Variants in ADIPOR2 observed in about 807,000 individuals in gnomAD.
ADIPOR2 encodes adiponectin receptor protein 2.
ADIPOR2 carries 18 observed loss-of-function variants against 40.9 expected under a neutral mutation model. The observed-to-expected ratio is 0.44, with a 90% confidence interval of 0.30 to 0.65. The LOEUF is 0.65. ADIPOR2 is among the 30% of genes least tolerant of loss of function. ADIPOR2 has a pLI of 0.09. For synonymous variants in ADIPOR2, 165 were observed against 166.4 expected, an observed-to-expected ratio of 0.99 and a Z score of 0.06; for missense variants, 283 against 479.2, an observed-to-expected ratio of 0.59 and a Z score of 3.82.
At chr12:1,718,912 T>C (rs1168477834) in intron 1 of ADIPOR2, among the ~76,000 whole-genome samples, 1 of 152,222 alleles carries the variant, frequency 6.6e-6, no homozygotes, top group African/African-American at 2.4e-5. Context: ...AAAAGAAGTG[T>C]AGTGATACAA....
rs1862780177 is a variant in ADIPOR2, at chr12:1,784,032, C to G, written c.991C>G (p.Arg331Gly). 2 of 1,604,796 alleles carry G rather than the reference C, an allele frequency of 1.2e-6. No homozygotes were observed. Among genetic ancestry groups the G allele is most frequent in the Non-Finnish European group, 1.7e-6 (2 of 1,174,978 alleles). The change falls in exon 7 of 8, where the codon CGG (arginine) becomes GGG (glycine). Residue 331 changes from arginine to glycine, a missense_variant. Around this residue, in one of 3 missense-constraint regions of ADIPOR2, gnomAD observed 106 missense variants for 149.7 expected, o/e 0.71. Coordinates refer to ENST00000357103, the MANE Select transcript of ADIPOR2 (RefSeq NM_024551.3). ...CACAGGAGCTGCCCTGTATGCTGCC[C>G]GGATCCCCGAACGCTTTTTCCCTGG... Reference protein sequence around the residue: ...YITGAALYAARIPERFFPGKC... With the variant: ...YITGAALYAAGIPERFFPGKC...
At position 1,764,588 on chromosome 12, in the gene ADIPOR2, C is replaced by CACACACACACACACACAT. The variant is rs1555170937; in HGVS notation, c.172-8252_172-8251insACACACACACACACATAC. Among the ~76,000 whole-genome samples, 544 of 140,016 alleles carry CACACACACACACACACAT rather than the reference C, an allele frequency of 3.9e-3. 10 individuals carry two copies. Among genetic ancestry groups the CACACACACACACACACAT allele is most frequent in the African/African-American group, 0.013 (521 of 39,966 alleles). The allele number at this position is 140,016 out of a possible 152,430, so 91.9% of individuals were successfully genotyped here. On this transcript the variant is annotated intron_variant, in intron 2 of 7. Transcript: ENST00000357103. ...ACACACACACACACACACACACACA[C>CACACACACACACACACAT]ACGTAGATATATTGTAAGTGGATAG... is the stretch of plus-strand genomic sequence containing the variant.
intron 2 of ADIPOR2, among the ~76,000 whole-genome samples, chr12:1,760,048 C>T (rs148814815): frequency 0.015 from 2,237 of 150,710 alleles, 21 homozygotes; most frequent in Middle Eastern, 0.051. Flanking sequence ...ACAAACAAAA[C>T]AAAACAAAAA....
intron 3 of ADIPOR2, among the ~76,000 whole-genome samples, chr12:1,774,663 C>G (rs1473466209): frequency 6.6e-6 from 1 of 152,184 alleles, no homozygotes; most frequent in Non-Finnish European, 1.5e-5. Flanking sequence ...CCAGCATAAC[C>G]AGGTCCATGT....
At chr12:1,725,125 CTTTT>C (rs33993408) in intron 1 of ADIPOR2, among the ~76,000 whole-genome samples, 4 of 143,798 alleles carry the variant, frequency 2.8e-5, no homozygotes, top group Non-Finnish European at 6.1e-5. Context: ...CGCAAACTTT[CTTTT>C]TTTTTTTTTT....
chr12:1,768,155 T>C (rs538450970), intron 2 of ADIPOR2, among the ~76,000 whole-genome samples: 1 of 152,216 alleles, frequency 6.6e-6, no homozygotes, highest in Non-Finnish European at 1.5e-5. Context: ...CAGCCCTGGA[T>C]ATTGTACCAT....
intron 2 of ADIPOR2, chr12:1,757,536 T>G (rs1203060259): frequency 1.2e-6 from 1 of 835,626 alleles, no homozygotes; most frequent in African/African-American, 1.7e-5. Context: ...AATCTCCAAA[T>G]CTGTCTGAAT....
At chr12:1,718,520 A>G (rs1485807146) in intron 1 of ADIPOR2, among the ~76,000 whole-genome samples, 2 of 152,100 alleles carry the variant, frequency 1.3e-5, no homozygotes, top group East Asian at 3.8e-4. Context: ...GTCTCTTTTT[A>G]GAAAGTCAAA....
chr12:1,725,098 C>A (rs2094705170), intron 1 of ADIPOR2, among the ~76,000 whole-genome samples: 1 of 149,760 alleles, frequency 6.7e-6, no homozygotes, highest in South Asian at 2.1e-4. Context: ...CAGTCAACAT[C>A]AGAAACATCC....
intron 1 of ADIPOR2, among the ~76,000 whole-genome samples, chr12:1,695,374 C>G (rs1048025094): frequency 2.0e-5 from 3 of 150,992 alleles, no homozygotes; most frequent in African/African-American, 7.3e-5. Flanking sequence ...AAAAAGTGGG[C>G]TGAGGGTGGT....
intron 1 of ADIPOR2, among the ~76,000 whole-genome samples, chr12:1,718,913 A>G (rs760069348): frequency 6.6e-6 from 1 of 152,256 alleles, no homozygotes; most frequent in Non-Finnish European, 1.5e-5. Flanking sequence ...AAAGAAGTGT[A>G]GTGATACAAC....
intron 2 of ADIPOR2, among the ~76,000 whole-genome samples, chr12:1,756,160 AT>A (rs578175210): frequency 1.3e-5 from 2 of 150,812 alleles, no homozygotes. Context: ...TTATAATTAT[AT>A]TTTTTTTGAG....
intron 1 of ADIPOR2, chr12:1,697,296 T>A (rs2094641179): frequency 6.6e-6 from 1 of 152,264 alleles, no homozygotes; most frequent in African/African-American, 2.4e-5. Context: ...TTCAGTGTTT[T>A]GTGTTTGGAG....
chr12:1,712,325 C>T (rs2094679162), intron 1 of ADIPOR2, among the ~76,000 whole-genome samples: 1 of 152,080 alleles, frequency 6.6e-6, no homozygotes, highest in Admixed American at 6.6e-5. Context: ...CACCTGGTAT[C>T]CAAGCAGGCG....
intron 1 of ADIPOR2, among the ~76,000 whole-genome samples, chr12:1,747,516 T>A (rs2094758256): frequency 6.6e-6 from 1 of 152,162 alleles, no homozygotes. Context: ...TCTTTTTTGT[T>A]GGGCGGTGGT....
chr12:1,768,030 G>T (rs1272236806), intron 2 of ADIPOR2, among the ~76,000 whole-genome samples: 1 of 152,152 alleles, frequency 6.6e-6, no homozygotes, highest in Non-Finnish European at 1.5e-5. Context: ...AAGTTCTGTT[G>T]ATATAGGGGC....
At chr12:1,765,425 A>C (rs2154443908) in intron 2 of ADIPOR2, among the ~76,000 whole-genome samples, 1 of 152,290 alleles carries the variant, frequency 6.6e-6, no homozygotes, top group African/African-American at 2.4e-5. Context: ...TTCTTCATTT[A>C]CCATGTTTGA....
chr12:1,751,633 GAGTAGCT>G (rs1161119092), intron 1 of ADIPOR2, among the ~76,000 whole-genome samples: 2 of 152,034 alleles, frequency 1.3e-5, no homozygotes, highest in Non-Finnish European at 2.9e-5. Flanking sequence ...TCAGCCTCTT[GAGTAGCT>G]AGTACTACAG....
intron 1 of ADIPOR2, among the ~76,000 whole-genome samples, chr12:1,693,645 TGCCTCA>T (rs2094632057): frequency 6.6e-6 from 1 of 152,040 alleles, no homozygotes; most frequent in Admixed American, 6.6e-5. Context: ...GCAATTCTCC[TGCCTCA>T]GCCTCCCTAG....
Sources: gnomAD v4.1 joint callset for allele counts (sites outside exome capture counted in the v4.1 genomes callset) on GRCh38, gnomAD v4.1.1 for gene constraint, gnomAD v4.1.1 regional missense constraint, MANE v1.5 for transcripts, NCBI Gene and HGNC (gene_info 2026-07-23, HGNC 2026-07-21) for gene names.